The following GALNT10 variants were observed in gnomAD, a reference collection of about 807,000 sequenced individuals.
GALNT10 encodes the protein polypeptide N-acetylgalactosaminyltransferase 10, also known as GalNAc transferase 10.
In GALNT10, 41 loss-of-function variants were observed where a neutral mutation model predicts 75.0. That is an observed-to-expected ratio of 0.55 (90% confidence interval 0.43 to 0.71). The LOEUF (loss-of-function observed/expected upper bound fraction) is 0.71. Among genes scored for constraint, GALNT10 ranks in the 30% least tolerant of loss-of-function variants. The pLI is 0.00. For missense variants in GALNT10, 727 were observed against 818.5 expected (o/e 0.89, Z 1.36); for synonymous variants, 302 against 313.0 (o/e 0.96, Z 0.37).
intron 1 of GALNT10, among the ~76,000 whole-genome samples, chr5:154,238,331 A>G (rs1030745760): frequency 3.3e-5 from 5 of 151,000 alleles, no homozygotes; most frequent in African/African-American, 1.2e-4. Context: ...TTTCCTTTCC[A>G]TAGTTATCCT....
chr5:154,222,334 C>T (rs1430014641), intron 1 of GALNT10, among the ~76,000 whole-genome samples: 1 of 151,706 alleles, frequency 6.6e-6, no homozygotes, highest in African/African-American at 2.4e-5. Context: ...TAGACCATTA[C>T]ATGGATAGAC....
intron 1 of GALNT10, among the ~76,000 whole-genome samples, chr5:154,234,343 C>T (rs1348226191): frequency 6.6e-6 from 1 of 152,166 alleles, no homozygotes; most frequent in Non-Finnish European, 1.5e-5. Context: ...GCAGTGGTGA[C>T]AGAAACCAGC....
At chr5:154,400,115 G>A (rs1756126597) in intron 7 of GALNT10, among the ~76,000 whole-genome samples, 1 of 152,182 alleles carries the variant, frequency 6.6e-6, no homozygotes. Context: ...TCTAGCCTGT[G>A]TGACAGAGGG....
At chr5:154,304,577 T>A in intron 3 of GALNT10, among the ~76,000 whole-genome samples, 1 of 152,108 alleles carries the variant, frequency 6.6e-6, no homozygotes, top group East Asian at 1.9e-4. Context: ...ATATCTTTTT[T>A]AAAAAAAGAT....
intron 7 of GALNT10, among the ~76,000 whole-genome samples, chr5:154,400,287 C>T (rs1476087463): frequency 6.6e-6 from 1 of 152,202 alleles, no homozygotes; most frequent in Non-Finnish European, 1.5e-5. Context: ...TGGGACTGCC[C>T]TGCTGGGTGC....
rs1329264762 is a variant in GALNT10 at position 154,397,855 on chromosome 5, C to G, written c.1057-6249C>G. On this transcript the variant is annotated intron_variant, in intron 7 of 11. Transcript: ENST00000297107. Reference sequence around the variant, plus strand: ...GAAGCTCTGCCCCAGCCCCTGCCCTCTCGGGTTCCCCTCCATGGACAATCC... The same window carrying G: ...GAAGCTCTGCCCCAGCCCCTGCCCTGTCGGGTTCCCCTCCATGGACAATCC... Among the ~76,000 whole-genome samples, 6 of 152,328 alleles carry G rather than the reference C, an allele frequency of 3.9e-5. No individual in the cohort carries two copies. In the East Asian group the frequency reaches 1.2e-3, roughly 29 times the overall value.
chr5:154,312,241 G>A (rs770934379), intron 3 of GALNT10, among the ~76,000 whole-genome samples: 3 of 152,146 alleles, frequency 2.0e-5, no homozygotes, highest in Non-Finnish European at 4.4e-5. Flanking sequence ...GATAAGACAA[G>A]CAGAACAGCT....
intron 3 of GALNT10, among the ~76,000 whole-genome samples, chr5:154,315,950 T>A (rs1416884216): frequency 6.6e-6 from 1 of 152,258 alleles, no homozygotes; most frequent in Non-Finnish European, 1.5e-5. Context: ...TAAGCAGGTG[T>A]TTGATAACTT....
At chr5:154,406,493 C>T (rs1582016809) in intron 8 of GALNT10, among the ~76,000 whole-genome samples, 1 of 152,310 alleles carries the variant, frequency 6.6e-6, no homozygotes, top group South Asian at 2.1e-4. Flanking sequence ...TTGCAGACCA[C>T]ATTTAAAATA....
intron 3 of GALNT10, among the ~76,000 whole-genome samples, chr5:154,326,553 A>G (rs1018953857): frequency 6.6e-6 from 1 of 152,264 alleles, no homozygotes; most frequent in African/African-American, 2.4e-5. Flanking sequence ...ACAATGGGCT[A>G]TTATTCAGCT....
intron 3 of GALNT10, among the ~76,000 whole-genome samples, chr5:154,303,574 G>A (rs1202506099): frequency 6.6e-6 from 1 of 152,142 alleles, no homozygotes; most frequent in East Asian, 1.9e-4. Flanking sequence ...CACCCAGACT[G>A]GAAAACCTCC....
rs1434038255 is a variant in GALNT10 at position 154,416,944 on chromosome 5, C to T, written c.1784C>T (p.Thr595Ile). 1.9e-6 allele frequency: 3 copies of T among 1,614,218 alleles called. No individual in the cohort carries two copies. Among genetic ancestry groups the T allele is most frequent in the Admixed American group, 3.3e-5 (2 of 60,034 alleles). ...TGGCTGTTTGAACACACCAACTCAA[C>T]AGTCTTGGAAAAATTCAATAGGAAC... is the stretch of plus-strand genomic sequence containing the variant. ...QQWLFEHTNS[T>I]VLEKFNRN Residue 595 changes from threonine (T) to isoleucine (I), a missense_variant, in exon 12 of 12, where the codon ACA (threonine) becomes ATA (isoleucine). Transcript: ENST00000297107. The surrounding 1 kb of genome is among the most constrained non-coding windows in gnomAD (Gnocchi z 4.5).
At chr5:154,374,747 C>A (rs1314748299) in intron 4 of GALNT10, among the ~76,000 whole-genome samples, 1 of 149,564 alleles carries the variant, frequency 6.7e-6, no homozygotes, top group East Asian at 2.0e-4. Context: ...CTTTTCAATT[C>A]TTTTTCATTC....
intron 1 of GALNT10, among the ~76,000 whole-genome samples, chr5:154,248,373 T>G (rs887205051): frequency 6.6e-6 from 1 of 152,220 alleles, no homozygotes; most frequent in African/African-American, 2.4e-5. Flanking sequence ...TTGGAATAGT[T>G]TCAGAAGGAA....
intron 1 of GALNT10, chr5:154,218,086 A>G: frequency 4.1e-6 from 4 of 985,152 alleles, no homozygotes; most frequent in Non-Finnish European, 4.8e-6. Flanking sequence ...GATTATTCCC[A>G]CCGCCCAAGA....
chr5:154,262,479 A>G (rs558715493), intron 1 of GALNT10, among the ~76,000 whole-genome samples: 1 of 151,976 alleles, frequency 6.6e-6, no homozygotes, highest in Non-Finnish European at 1.5e-5. Context: ...ACCCCAATTA[A>G]CTCCATCACT....
Position 154,192,916 on chromosome 5 carries a change from A to G in GALNT10, c.159+1891A>G, listed in dbSNP as rs1157072832. ...AGACCCAGATGGGTAGAGAAGGTCAAGGTTAACTGCCAGTTTGGCCTGAGC... is the reference window on the plus strand; with the variant it reads ...AGACCCAGATGGGTAGAGAAGGTCAGGGTTAACTGCCAGTTTGGCCTGAGC... On this transcript the variant is annotated intron_variant, in intron 1 of 11. Coordinates refer to ENST00000297107, the MANE Select transcript of GALNT10 (RefSeq NM_198321.4). 2.0e-5 allele frequency among the ~76,000 whole-genome samples: 3 copies of G among 152,314 alleles called. No individual in the cohort carries two copies. In the East Asian group the frequency reaches 5.8e-4, roughly 29 times the overall value.
intron 7 of GALNT10, among the ~76,000 whole-genome samples, chr5:154,397,939 C>G (rs778103426): frequency 3.9e-5 from 6 of 152,246 alleles, no homozygotes; most frequent in Non-Finnish European, 5.9e-5. Context: ...CATCACCACT[C>G]GTTTCTTTCC....
intron 8 of GALNT10, among the ~76,000 whole-genome samples, chr5:154,406,935 TTGTACGGACTCCGGAA>T (rs1403132865): frequency 1.3e-5 from 2 of 152,014 alleles, no homozygotes; most frequent in African/African-American, 2.4e-5. Flanking sequence ...GAAACTGAGA[TTGTACGGACTCCGGAA>T]GGACAAACAG....
Sources: allele counts gnomAD v4.1 joint callset (sites outside exome capture counted in the v4.1 genomes callset), GRCh38; gene constraint gnomAD v4.1.1; non-coding constraint Gnocchi (gnomAD v3.1); transcripts MANE v1.5; gene names NCBI Gene and HGNC (gene_info 2026-07-23, HGNC 2026-07-21).